Variants in CARM1 observed in about 807,000 individuals in gnomAD.
CARM1 encodes the protein coactivator associated arginine methyltransferase 1.
Under a neutral mutation model 72.7 loss-of-function variants are expected in CARM1, and 14 were observed. The observed-to-expected ratio is 0.19, with a 90% confidence interval of 0.13 to 0.30. The LOEUF (loss-of-function observed/expected upper bound fraction) is 0.30, where lower values mean the gene tolerates loss of function less well. Among genes scored for constraint, CARM1 ranks in the 10% least tolerant of loss-of-function variants. The pLI is 1.00. For synonymous variants in CARM1, 333 were observed against 345.5 expected, an observed-to-expected ratio of 0.96 and a Z score of 0.40; for missense variants, 432 against 833.7, an observed-to-expected ratio of 0.52 and a Z score of 5.93.
intron 1 of CARM1, among the ~76,000 whole-genome samples, chr19:10,878,560 A>G (rs540962105): frequency 1.3e-5 from 2 of 152,324 alleles, no homozygotes; most frequent in South Asian, 4.1e-4. Flanking sequence ...TTGACTGGCC[A>G]AAGTGATGTG....
chr19:10,890,713 A>G (rs1426287108), intron 1 of CARM1, among the ~76,000 whole-genome samples: 1 of 148,928 alleles, frequency 6.7e-6, no homozygotes, highest in Non-Finnish European at 1.5e-5. Flanking sequence ...ACACATATAT[A>G]CACATGAATA....
At chr19:10,883,397 C>T (rs966815030) in intron 1 of CARM1, among the ~76,000 whole-genome samples, 11 of 152,278 alleles carry the variant, frequency 7.2e-5, no homozygotes, top group Admixed American at 3.9e-4. Flanking sequence ...GTTTATCTGT[C>T]CCAGGGGCCT....
At chr19:10,886,290 A>G (rs1299092902) in intron 1 of CARM1, among the ~76,000 whole-genome samples, 1 of 151,626 alleles carries the variant, frequency 6.6e-6, no homozygotes, top group East Asian at 1.9e-4. Flanking sequence ...TCCTGACCTC[A>G]GGTGATCCAC....
At chr19:10,905,843 G>A (rs958591148) in intron 2 of CARM1, among the ~76,000 whole-genome samples, 2 of 151,788 alleles carry the variant, frequency 1.3e-5, no homozygotes, top group Admixed American at 1.3e-4. Flanking sequence ...TTTTCACTGT[G>A]TTGCCCAGGC....
rs534710436 is a variant in CARM1, at chr19:10,896,545, C to T, written c.221-8406C>T. On this transcript the variant is annotated intron_variant, in intron 1 of 15. Transcript: ENST00000327064. The surrounding 1 kb of genome is among the most constrained non-coding windows in gnomAD (Gnocchi z 5.2). ...GCGCAAGATCCCTCCCAGTGCTGCCCAGAGCCAAGCCACCAGTCCACTGGG... is the reference window on the plus strand; with the variant it reads ...GCGCAAGATCCCTCCCAGTGCTGCCTAGAGCCAAGCCACCAGTCCACTGGG... Among the ~76,000 whole-genome samples, 2 of 152,228 alleles carry T rather than the reference C, an allele frequency of 1.3e-5. No homozygotes were observed. Among genetic ancestry groups the T allele is most frequent in the South Asian group, 4.2e-4 (2 of 4,810 alleles).
At chr19:10,895,067 C>G (rs1470826081) in intron 1 of CARM1, among the ~76,000 whole-genome samples, 2 of 151,880 alleles carry the variant, frequency 1.3e-5, no homozygotes, top group Non-Finnish European at 2.9e-5. Context: ...CTCTATCTGC[C>G]AAAGAATGTG....
chr19:10,875,594 C>G (rs922035231), intron 1 of CARM1, among the ~76,000 whole-genome samples: 2 of 151,724 alleles, frequency 1.3e-5, no homozygotes, highest in South Asian at 2.1e-4. Flanking sequence ...CCGGCTAATT[C>G]TTTGTATTTT....
At position 10,896,561 on chromosome 19, in the gene CARM1, G is replaced by GCC. The variant is rs1470610502; in HGVS notation, c.221-8390_221-8389insCC. Among the ~76,000 whole-genome samples the GCC allele has an allele frequency of 1.3e-5, 2 of 152,044 alleles. No homozygotes were observed. The highest frequency in any genetic ancestry group is 2.9e-5 in the Non-Finnish European group (2 of 68,012). ...AGTGCTGCCCAGAGCCAAGCCACCA[G>GCC]TCCACTGGGGCCTCTTGCAGTCCCT... On this transcript the variant is annotated intron_variant, in intron 1 of 15. Transcript: ENST00000327064. The surrounding 1 kb of genome is among the most constrained non-coding windows in gnomAD (Gnocchi z 5.2).
chr19:10,921,704 T>A lies in CARM1; in HGVS notation c.1774T>A (p.Ser592Thr), dbSNP rs1247912470. ...SQFTMGGPAI[S>T]MASPMSIPTN... ...GTTCACCATGGGCGGCCCCGCCATC[T>A]CCATGGCGTCGCCCATGTCCATCCC... Residue 592 changes from serine to threonine, a missense_variant, in exon 16 of 16, where the codon TCC (serine) becomes ACC (threonine). Around this residue, in one of 3 missense-constraint regions of CARM1, gnomAD observed 142 missense variants for 188.7 expected, o/e 0.75. Coordinates refer to ENST00000327064, the MANE Select transcript of CARM1 (RefSeq NM_199141.2). 9 of 1,613,372 alleles carry A rather than the reference T, an allele frequency of 5.6e-6. No individual in the cohort carries two copies. The highest frequency in any genetic ancestry group is 7.6e-6 in the Non-Finnish European group (9 of 1,179,800).
At position 10,920,039 on chromosome 19, in the gene CARM1, G is replaced by A. The variant is rs975874651; in HGVS notation, c.1196+73G>A. On this transcript the variant is annotated intron_variant, in intron 10 of 15. Coordinates refer to ENST00000327064, the MANE Select transcript of CARM1 (RefSeq NM_199141.2). This position sits in a 1 kb window ranked among gnomAD's most constrained non-coding sequence, Gnocchi z 5.3. ...CTTCCTGCAGCTGCAACCTGGCTGG[G>A]GGGGTGGAACATGGCTCCAGGTTCC... 7 of 1,202,412 alleles carry A rather than the reference G, an allele frequency of 5.8e-6. No individual in the cohort carries two copies. In the South Asian group the frequency reaches 7.4e-5, roughly 13 times the overall value. The allele number at this position is 1,202,412 out of a possible 1,614,324, so 74.5% of individuals were successfully genotyped here.
chr19:10,899,365 C>G (rs1315350357), intron 1 of CARM1, among the ~76,000 whole-genome samples: 3 of 152,234 alleles, frequency 2.0e-5, no homozygotes. Context: ...TGCTGTCGCC[C>G]AGGTGTGGCT....
chr19:10,891,812 C>T (rs1340260999), intron 1 of CARM1, among the ~76,000 whole-genome samples: 1 of 152,242 alleles, frequency 6.6e-6, no homozygotes, highest in Non-Finnish European at 1.5e-5. Flanking sequence ...CTGCCCGTGA[C>T]CTGTGGTTTC....
chr19:10,881,615 G>T (rs2073902659), intron 1 of CARM1, among the ~76,000 whole-genome samples: 1 of 152,124 alleles, frequency 6.6e-6, no homozygotes, highest in Non-Finnish European at 1.5e-5. Context: ...CTGGAGGGCT[G>T]GGGTGGGGGA....
At chr19:10,891,496 C>G (rs1033218934) in intron 1 of CARM1, among the ~76,000 whole-genome samples, 22 of 152,258 alleles carry the variant, frequency 1.4e-4, no homozygotes, top group South Asian at 1.0e-3. Context: ...AGGGCTTGTT[C>G]TGGGAGATTC....
intron 8 of CARM1, among the ~76,000 whole-genome samples, chr19:10,918,046 T>C: frequency 6.6e-6 from 1 of 151,730 alleles, no homozygotes; most frequent in East Asian, 1.9e-4. Flanking sequence ...GGGGAGTGAA[T>C]GAGTGAAAAA....
intron 15 of CARM1, 37 bp from the exon 16 acceptor site, chr19:10,921,578 C>G: frequency 1.3e-6 from 2 of 1,590,814 alleles, no homozygotes; most frequent in Admixed American, 1.7e-5. Context: ...GCTGGGCGGG[C>G]CAGGGCAGCC....
In CARM1 at chr19:10,915,695, G is replaced by A. The variant is rs1201718485; in HGVS notation, c.848-712G>A. ...TGATACCTCAGGATCTCCTCCCCCA[G>A]CTTGCAAGGCTGGGGGGCCCACATC... On this transcript the variant is annotated intron_variant, in intron 6 of 15. Coordinates refer to ENST00000327064, the MANE Select transcript of CARM1 (RefSeq NM_199141.2). The surrounding 1 kb of genome is among the most constrained non-coding windows in gnomAD (Gnocchi z 4.6). 6.6e-6 allele frequency among the ~76,000 whole-genome samples: 1 copy of A among 152,160 alleles called. No individual in the cohort carries two copies. The highest frequency in any genetic ancestry group is 1.5e-5 in the Non-Finnish European group (1 of 68,006).
chr19:10,899,100 T>C (rs1288966489), intron 1 of CARM1, among the ~76,000 whole-genome samples: 1 of 147,602 alleles, frequency 6.8e-6, no homozygotes. Context: ...AGGGACTAAC[T>C]TGGGGATAAA....
At chr19:10,909,404 C>T (rs1181401226) in intron 4 of CARM1, among the ~76,000 whole-genome samples, 197 bp downstream of exon 4, 1 of 152,076 alleles carries the variant, frequency 6.6e-6, no homozygotes, top group African/African-American at 2.4e-5. Context: ...GCACTCCAGC[C>T]TGGGCGACAG....
Sources: allele counts gnomAD v4.1 joint callset (sites outside exome capture counted in the v4.1 genomes callset), GRCh38; gene constraint gnomAD v4.1.1; regional missense constraint gnomAD v4.1.1; non-coding constraint Gnocchi (gnomAD v3.1); transcripts MANE v1.5; gene names NCBI Gene and HGNC (gene_info 2026-07-23, HGNC 2026-07-21).